The following TARS3 variants were observed in gnomAD, a reference collection of about 807,000 sequenced individuals.
The protein encoded by TARS3 is threonine--tRNA ligase 2, cytoplasmic.
Under a neutral mutation model 103.5 loss-of-function variants are expected in TARS3, and 94 were observed. The observed-to-expected ratio is 0.91, with a 90% CI of 0.77 to 1.08. The LOEUF is 1.08. TARS3 is among the 50% of genes least tolerant of loss of function. The pLI is 0.00. For missense variants in TARS3, 952 were observed against 995.2 expected, an observed-to-expected ratio of 0.96 and a Z score of 0.58; for synonymous variants, 416 against 355.4, an observed-to-expected ratio of 1.17 and a Z score of -1.92.
At chr15:101,690,131 G>A (rs952820055) in intron 10 of TARS3, among the ~76,000 whole-genome samples, 2 of 152,126 alleles carry the variant, frequency 1.3e-5, no homozygotes, top group African/African-American at 4.8e-5. Context: ...CAAGCAAAAG[G>A]CAAGAATGTG....
rs138215501 is a variant in TARS3 at position 101,670,284 on chromosome 15, G to A, written c.1967+1202C>T. Among the ~76,000 whole-genome samples, 590 of 152,304 alleles carry A rather than the reference G, an allele frequency of 3.9e-3. 7 individuals are homozygous for A. Among genetic ancestry groups the A allele is most frequent in the African/African-American group, 0.014 (567 of 41,564 alleles). On this transcript the variant is annotated intron_variant, in intron 15 of 18. Coordinates refer to ENST00000335968, the MANE Select transcript of TARS3 (RefSeq NM_152334.3). ...AAATCATATATTCCTCCAAGGGCTA[G>A]TATCTAGAATATATAAAGAATTCTC... is the stretch of plus-strand genomic sequence containing the variant.
intron 12 of TARS3, among the ~76,000 whole-genome samples, chr15:101,683,553 A>C (rs1453536370): frequency 1.3e-5 from 2 of 152,196 alleles, no homozygotes; most frequent in African/African-American, 2.4e-5. Flanking sequence ...CTGGGTGTAC[A>C]CACATGTGTA....
rs865821603 is a variant in TARS3, at chr15:101,672,591, A to G, written c.1789-843T>C. ...CTTAGGGCCGAAGCTGCCATCATCA[A>G]GAAAGCTGACTCCTGGGAAAGCTGA... On this transcript the variant is annotated intron_variant, in intron 13 of 18. Coordinates refer to ENST00000335968, the MANE Select transcript of TARS3 (RefSeq NM_152334.3). Among the ~76,000 whole-genome samples, 5 of 151,964 alleles carry G rather than the reference A, an allele frequency of 3.3e-5. No homozygotes were observed. In the South Asian group the frequency reaches 1.0e-3, roughly 32 times the overall value.
intron 10 of TARS3, among the ~76,000 whole-genome samples, chr15:101,686,416 ATAATT>A (rs1322676529): frequency 6.6e-6 from 1 of 152,200 alleles, no homozygotes; most frequent in Non-Finnish European, 1.5e-5. Context: ...GAAAAAATTT[ATAATT>A]TAATAAGCCT....
In TARS3 at chr15:101,700,931, C is replaced by T. The variant is rs115224934; in HGVS notation, c.1320+155G>A. Among the ~76,000 whole-genome samples, 237 of 152,180 alleles carry T rather than the reference C, an allele frequency of 1.6e-3. 1 individual carries two copies. Among genetic ancestry groups the T allele is most frequent in the African/African-American group, 5.3e-3 (218 of 41,516 alleles). On this transcript the variant is annotated intron_variant, in intron 10 of 18. Transcript: ENST00000335968. ...TGCTGGGATTATAGGTGTGAGCCAC[C>T]GTGTCTGGCCAGTATCTCACTTTTA...
At chr15:101,704,095 G>A (rs1455492410) in intron 7 of TARS3, among the ~76,000 whole-genome samples, 158 bp from the exon 8 acceptor site, 3 of 152,158 alleles carry the variant, frequency 2.0e-5, no homozygotes, top group African/African-American at 7.2e-5. Flanking sequence ...GATTCATCTA[G>A]CCTCAGAGTC....
At chr15:101,688,843 T>A (rs1215907154) in intron 10 of TARS3, among the ~76,000 whole-genome samples, 1 of 152,202 alleles carries the variant, frequency 6.6e-6, no homozygotes, top group Non-Finnish European at 1.5e-5. Context: ...GGTATAGATT[T>A]CTAGGCTTCG....
At chr15:101,715,916 C>T (rs2141453131) in intron 3 of TARS3, among the ~76,000 whole-genome samples, 1 of 152,198 alleles carries the variant, frequency 6.6e-6, no homozygotes, top group African/African-American at 2.4e-5. Context: ...TTTTTAAAAT[C>T]TTTATCAATG....
chr15:101,706,049 C>T (rs1234706769), intron 6 of TARS3, among the ~76,000 whole-genome samples: 2 of 152,272 alleles, frequency 1.3e-5, no homozygotes, highest in Non-Finnish European at 2.9e-5. Flanking sequence ...CTGCAACGTC[C>T]GTCTCCCTGG....
Position 101,678,505 on chromosome 15 carries a change from C to CTT in TARS3, c.1651-2770_1651-2769dup, listed in dbSNP as rs60444420. ...TCTCTTAGTGTATCCCTGTCTATAG[C>CTT]TTTTTTTTTTATTGGTTTCTCTAGG... On this transcript the variant is annotated intron_variant, in intron 12 of 18. Coordinates refer to ENST00000335968, the MANE Select transcript of TARS3 (RefSeq NM_152334.3). 5.4e-5 allele frequency among the ~76,000 whole-genome samples: 8 copies of CTT among 148,130 alleles called. No individual in the cohort carries two copies. The South Asian group carries it at 6.4e-4, about 12-fold the overall frequency.
chr15:101,682,255 T>C (rs1327005518), intron 12 of TARS3, among the ~76,000 whole-genome samples: 2 of 152,226 alleles, frequency 1.3e-5, no homozygotes, highest in Non-Finnish European at 2.9e-5. Context: ...TGAGGTTAGC[T>C]GTAGGTTTTT....
intron 10 of TARS3, among the ~76,000 whole-genome samples, chr15:101,697,346 C>T (rs910096603): frequency 1.3e-5 from 2 of 152,128 alleles, no homozygotes; most frequent in African/African-American, 4.8e-5. Context: ...GTGCCAGAAA[C>T]AGATGGTGGG....
chr15:101,669,408 A>T (rs559558), intron 15 of TARS3, among the ~76,000 whole-genome samples: 56,394 of 152,044 alleles, frequency 0.37, 11,280 homozygotes, highest in Non-Finnish European at 0.45. Flanking sequence ...AAGCTTAATT[A>T]ACTATTGAAG....
At chr15:101,660,396 C>T (rs554356117) in intron 16 of TARS3, among the ~76,000 whole-genome samples, 2 of 152,340 alleles carry the variant, frequency 1.3e-5, no homozygotes, top group African/African-American at 4.8e-5. Context: ...CTTCTGAATG[C>T]ATGGTGATAG....
chr15:101,689,573 C>T (rs1365946759), intron 10 of TARS3, among the ~76,000 whole-genome samples: 1 of 149,718 alleles, frequency 6.7e-6, no homozygotes, highest in Non-Finnish European at 1.5e-5. Context: ...AATGTGAAGA[C>T]ACGCAGGGAG....
intron 12 of TARS3, among the ~76,000 whole-genome samples, chr15:101,683,422 T>C (rs1371825104): frequency 6.6e-6 from 1 of 152,254 alleles, no homozygotes. Context: ...TTTAATTGCA[T>C]CCCTTTCAAC....
At chr15:101,669,617 C>T (rs981346601) in intron 15 of TARS3, among the ~76,000 whole-genome samples, 2 of 152,160 alleles carry the variant, frequency 1.3e-5, no homozygotes, top group African/African-American at 4.8e-5. Context: ...CCTAATTTTA[C>T]TGTACCTTTT....
At chr15:101,691,399 C>T (rs1898717282) in intron 10 of TARS3, among the ~76,000 whole-genome samples, 1 of 152,046 alleles carries the variant, frequency 6.6e-6, no homozygotes, top group Admixed American at 6.6e-5. Flanking sequence ...CCTGCCTCAG[C>T]CTCCCAAGTA....
At position 101,671,739 on chromosome 15, in the gene TARS3, T is replaced by C; in HGVS notation, c.1798A>G (p.Asn600Asp). 6.2e-7 allele frequency: 1 copy of C among 1,613,500 alleles called. No homozygotes were observed. The highest frequency in any genetic ancestry group is 1.3e-5 in the African/African-American group (1 of 75,030). ...MWNEAEKQLQ[N>D]SLMDFGEPWK... ...GGTTCTCCAAAGTCCATCAAGCTGTTCTGCAGTTGCTTTTTCAAAAGAAGA... is the reference window on the plus strand; with the variant it reads ...GGTTCTCCAAAGTCCATCAAGCTGTCCTGCAGTTGCTTTTTCAAAAGAAGA... Residue 600 changes from asparagine to aspartate, a missense_variant, in exon 14 of 19, where the codon AAC (asparagine) becomes GAC (aspartate). Physicochemically the swap from Asn to Asp is conservative, Grantham distance 23. Transcript: ENST00000335968.
Sources: gnomAD v4.1 joint callset for allele counts (sites outside exome capture counted in the v4.1 genomes callset) on GRCh38, gnomAD v4.1.1 for gene constraint, MANE v1.5 for transcripts, NCBI Gene and HGNC (gene_info 2026-07-23, HGNC 2026-07-21) for gene names.